The following ORC4 variants were observed in gnomAD, a reference collection of about 807,000 sequenced individuals.
The protein encoded by ORC4 is origin recognition complex, subunit 4 homolog.
ORC4 carries 55 observed loss-of-function variants against 63.9 expected under a neutral mutation model. The ratio of observed to expected loss-of-function variants is 0.86; its 90% CI spans 0.69 to 1.08. The LOEUF (loss-of-function observed/expected upper bound fraction) is 1.08, where lower values mean the gene tolerates loss of function less well. Ranked by LOEUF, ORC4 falls within the 50% of genes least tolerant of loss-of-function variation. The pLI, the probability that ORC4 is intolerant of heterozygous loss-of-function variation, is 0.00. For missense variants in ORC4, 511 were observed against 504.4 expected (o/e 1.01, Z -0.13); for synonymous variants, 150 against 168.5 (o/e 0.89, Z 0.85).
chr2:147,938,258 G>T, intron 12 of ORC4, 40 bp downstream of exon 12: 2 of 1,587,604 alleles, frequency 1.3e-6, no homozygotes, highest in Non-Finnish European at 1.7e-6. Flanking sequence ...AATAAGCAGT[G>T]GGGAAGAGTC....
intron 1 of ORC4, among the ~76,000 whole-genome samples, chr2:147,996,836 A>C (rs947400330): frequency 5.3e-5 from 8 of 152,234 alleles, no homozygotes; most frequent in Admixed American, 5.2e-4. Context: ...CACTTTGGAA[A>C]ACAGTTTGGC....
chr2:148,009,233 AG>A (rs1356873411), intron 1 of ORC4, among the ~76,000 whole-genome samples: 1 of 152,078 alleles, frequency 6.6e-6, no homozygotes, highest in Non-Finnish European at 1.5e-5. Flanking sequence ...AAGGAAAACA[AG>A]GAAAAAAATG....
chr2:147,963,326 T>C (rs1054368464), intron 4 of ORC4, among the ~76,000 whole-genome samples: 2 of 151,994 alleles, frequency 1.3e-5, no homozygotes, highest in South Asian at 4.2e-4. Context: ...GTCTACAAAA[T>C]GGTCCAGTGG....
chr2:148,001,445 G>A (rs1167157261), intron 1 of ORC4, among the ~76,000 whole-genome samples: 3 of 152,016 alleles, frequency 2.0e-5, no homozygotes, highest in African/African-American at 7.2e-5. Context: ...AGAGAGTAGG[G>A]GCCAATAGTC....
At position 147,973,461 on chromosome 2, in the gene ORC4, G is replaced by A; in HGVS notation, c.121C>T (p.Gln41Ter). The change falls in exon 3 of 14, where the codon CAA becomes TAA. Residue 41 changes from glutamine (Q) to a stop codon, truncating the protein, a stop_gained. Transcript: ENST00000392857. LOFTEE classifies it high-confidence loss of function. The part of the protein sequence containing the change: ...QSPHSNLFGV[Q>*]VQYKHLSELL... ...AGCTAGACTTACTTGTATTGTACTT[G>A]CACTCCAAATAGGTTACTATGTGGA... 6.3e-7 allele frequency: 1 copy of A among 1,598,990 alleles called. No individual in the cohort carries two copies. The highest frequency in any genetic ancestry group is 8.6e-7 in the Non-Finnish European group (1 of 1,166,638).
At chr2:148,014,227 C>T (rs1277457456) in intron 1 of ORC4, among the ~76,000 whole-genome samples, 1 of 152,138 alleles carries the variant, frequency 6.6e-6, no homozygotes, top group Non-Finnish European at 1.5e-5. Context: ...AATAAAAGCA[C>T]ATTGCCTAAC....
chr2:147,961,405 C>T (rs1689581081), intron 4 of ORC4, among the ~76,000 whole-genome samples: 1 of 149,558 alleles, frequency 6.7e-6, no homozygotes, highest in African/African-American at 2.5e-5. Flanking sequence ...CCACTGCACT[C>T]CAGCCTGGGC....
At position 147,931,167 on chromosome 2, in the gene ORC4, C is replaced by T. The variant is rs1277654565; in HGVS notation, c.*4343G>A. 6.7e-6 allele frequency: 1 copy of T among 150,312 alleles called. No homozygotes were observed. The highest frequency in any genetic ancestry group is 1.5e-5 in the Non-Finnish European group (1 of 67,680). 9.3% of individuals were successfully genotyped at this position (150,312 alleles called of 1,614,324 possible). On this transcript the variant is annotated 3_prime_UTR_variant, in exon 14 of 14. Transcript: ENST00000392857. ...TGATGATTTCCAATTTCATCCATGT[C>T]CCTACAAAGGACATGAACTCATCAT...
intron 1 of ORC4, among the ~76,000 whole-genome samples, chr2:148,003,966 T>C (rs139159195): frequency 0.01 from 1,578 of 152,046 alleles, 16 homozygotes; most frequent in Admixed American, 0.016. Context: ...ATACCAATAA[T>C]AGACAAACAG....
Position 147,952,514 on chromosome 2 carries a change from A to T in ORC4, c.447T>A (p.Thr149=), listed in dbSNP as rs780639541. Residue 149 remains threonine, a synonymous_variant, in exon 8 of 14, where the codon ACT becomes ACA. Transcript: ENST00000392857. ...ATATGAAGATCACTGGGCAACTGCT[A>T]GTTCGGTCACCTAAGATAAAATAAG... is the stretch of plus-strand genomic sequence containing the variant. The part of the protein sequence containing the change: ...LLEALKKGDR[T]SSCPVIFILD... 6.2e-7 allele frequency: 1 copy of T among 1,610,162 alleles called. No homozygotes were observed.
intron 6 of ORC4, among the ~76,000 whole-genome samples, chr2:147,956,738 A>G (rs1689271785): frequency 6.6e-6 from 1 of 152,130 alleles, no homozygotes; most frequent in African/African-American, 2.4e-5. Context: ...ATTTTTGGGT[A>G]CAACTTAAAC....
chr2:147,961,913 G>T (rs1689616130), intron 4 of ORC4, among the ~76,000 whole-genome samples: 2 of 152,150 alleles, frequency 1.3e-5, no homozygotes, highest in South Asian at 4.1e-4. Context: ...AGATTAAAAA[G>T]ATTAAGTTCA....
At chr2:147,950,626 ATGGCGGTGTG>A (rs749874553) in intron 8 of ORC4, among the ~76,000 whole-genome samples, 2 of 152,046 alleles carry the variant, frequency 1.3e-5, no homozygotes, top group Non-Finnish European at 2.9e-5. Context: ...TTAGCCAGGC[ATGGCGGTGTG>A]TGGCTGTAAT....
intron 1 of ORC4, among the ~76,000 whole-genome samples, chr2:148,020,319 C>G (rs1194182983): frequency 2.0e-5 from 3 of 152,196 alleles, no homozygotes; most frequent in African/African-American, 7.2e-5. Flanking sequence ...ATTGCTGAGG[C>G]TTCACAGTTC....
chr2:147,994,399 C>T (rs1436146990), intron 1 of ORC4, among the ~76,000 whole-genome samples: 5 of 152,104 alleles, frequency 3.3e-5, no homozygotes, highest in South Asian at 2.1e-4. Context: ...AACACGATAC[C>T]GAAGGAGAAC....
rs112046521 is a variant in ORC4 at position 148,020,698 on chromosome 2, G to C, written c.-83C>G. ...ACCGAATCGCCTGGCCGCGTCCTCTGCTAGACTTCACCTGCCGCTGCGGAC... is the reference window on the plus strand; with the variant it reads ...ACCGAATCGCCTGGCCGCGTCCTCTCCTAGACTTCACCTGCCGCTGCGGAC... On this transcript the variant is annotated 5_prime_UTR_variant, in exon 1 of 14. Coordinates refer to ENST00000392857, the MANE Select transcript of ORC4 (RefSeq NM_181741.4). 3 of 152,488 alleles carry C rather than the reference G, an allele frequency of 2.0e-5. No individual in the cohort carries two copies. The highest frequency in any genetic ancestry group is 7.2e-5 in the African/African-American group (3 of 41,404). The allele number at this position is 152,488 out of a possible 1,614,324, so 9.4% of individuals were successfully genotyped here.
intron 1 of ORC4, among the ~76,000 whole-genome samples, chr2:148,004,225 C>T (rs1692483930): frequency 6.6e-6 from 1 of 152,142 alleles, no homozygotes; most frequent in South Asian, 2.1e-4. Context: ...CATCAAGCTA[C>T]CACTGACTTT....
intron 1 of ORC4, among the ~76,000 whole-genome samples, chr2:147,997,930 T>G (rs1190551181): frequency 6.6e-6 from 1 of 152,164 alleles, no homozygotes; most frequent in Non-Finnish European, 1.5e-5. Context: ...CATAAAATTT[T>G]AAAAACATGA....
chr2:148,018,198 C>T (rs2627033), intron 1 of ORC4, among the ~76,000 whole-genome samples: 26 of 152,116 alleles, frequency 1.7e-4, no homozygotes, highest in African/African-American at 5.8e-4. Context: ...TTCAAATAGC[C>T]GGTAAGTTTT....
Sources: allele counts gnomAD v4.1 joint callset (sites outside exome capture counted in the v4.1 genomes callset), GRCh38; gene constraint gnomAD v4.1.1; transcripts MANE v1.5; gene names NCBI Gene and HGNC (gene_info 2026-07-23, HGNC 2026-07-21).